ERAP2: variants seen among roughly 807,000 people sequenced by gnomAD.
ERAP2 encodes the protein leukocyte-derived arginine aminopeptidase.
A neutral mutation model predicts 111.1 loss-of-function variants in ERAP2; 118 were observed. That is an observed-to-expected ratio of 1.06 (90% CI 0.92 to 1.24). The LOEUF is 1.24. Ranked by LOEUF, ERAP2 falls within the 50% of genes most tolerant of loss-of-function variation. The probability of loss-of-function intolerance (pLI) is 0.00; values close to 1 mark genes in which losing one functional copy is unlikely to be tolerated. For missense variants in ERAP2, 1,131 were observed against 1,125.8 expected, an observed-to-expected ratio of 1.00 and a Z score of -0.07; for synonymous variants, 410 against 401.2, an observed-to-expected ratio of 1.02 and a Z score of -0.26.
Position 96,879,565 on chromosome 5 carries a change from T to C in ERAP2, c.-121T>C. On this transcript the variant is annotated splice_region_variant and 5_prime_UTR_variant, in exon 2 of 19. Transcript: ENST00000437043. The stretch of plus-strand genomic sequence containing the variant: ...TATAAGTGTGTTTTTTTCTTCTAGA[T>C]TAAATTCATGTATTGAAAATATTGT... 1 of 696,970 alleles carries C rather than the reference T, an allele frequency of 1.4e-6. No individual in the cohort carries two copies. Among genetic ancestry groups the C allele is most frequent in the Non-Finnish European group, 2.4e-6 (1 of 419,424 alleles). The allele number at this position is 696,970 out of a possible 1,614,324, so 43.2% of individuals were successfully genotyped here.
At chr5:96,880,431 T>C (rs1314507406) in intron 2 of ERAP2, among the ~76,000 whole-genome samples, 171 bp downstream of exon 2, 2 of 152,216 alleles carry the variant, frequency 1.3e-5, no homozygotes, top group Admixed American at 6.5e-5. Flanking sequence ...AGTAGAGATG[T>C]AAAGACAGGA....
intron 1 of ERAP2, among the ~76,000 whole-genome samples, chr5:96,878,404 GTAA>G (rs10642325): frequency 6.6e-6 from 1 of 151,620 alleles, no homozygotes; most frequent in Non-Finnish European, 1.5e-5. Context: ...GCCATTCGTA[GTAA>G]TAATAATATC....
chr5:96,892,357 A>C lies in ERAP2; in HGVS notation c.1029A>C (p.Thr343=). 4 of 1,614,056 alleles carry C rather than the reference A, an allele frequency of 2.5e-6. No homozygotes were observed. Among genetic ancestry groups the C allele is most frequent in the Non-Finnish European group, 3.4e-6 (4 of 1,179,950 alleles). Residue 343 remains threonine (T), a synonymous_variant, in exon 6 of 19, where the codon ACA becomes ACC. Coordinates refer to ENST00000437043, the MANE Select transcript of ERAP2 (RefSeq NM_022350.5). ...CCATGGAAAATTGGGGCCTCATTAC[A>C]TATAGGGAGACGTCACTGCTTTTTG... is the stretch of plus-strand genomic sequence containing the variant. ...PGAMENWGLI[T]YRETSLLFDP... is the part of the protein sequence containing the mutation.
chr5:96,889,384 T>C (rs755647789), intron 5 of ERAP2, 79 bp downstream of exon 5: 11 of 1,512,666 alleles, frequency 7.3e-6, no homozygotes, highest in South Asian at 3.4e-5. Context: ...TCTCTTTCTA[T>C]GTGATTTAAA....
At chr5:96,903,316 T>C (rs1194640699) in intron 12 of ERAP2, 61 bp from the exon 13 acceptor site, 4 of 1,295,684 alleles carry the variant, frequency 3.1e-6, no homozygotes, top group Non-Finnish European at 3.2e-6. Flanking sequence ...ATAACAGTTC[T>C]GGAGATGTTC....
At chr5:96,889,670 A>G (rs989396309) in intron 5 of ERAP2, among the ~76,000 whole-genome samples, 7 of 152,180 alleles carry the variant, frequency 4.6e-5, no homozygotes, top group Non-Finnish European at 7.4e-5. Flanking sequence ...TGTTCAAAAT[A>G]GGGGTCCACA....
chr5:96,909,160 G>T, intron 14 of ERAP2, 43 bp downstream of exon 14: 3 of 1,580,274 alleles, frequency 1.9e-6, no homozygotes, highest in East Asian at 2.2e-5. Context: ...AATACACAGT[G>T]TCTGGAGTAT....
intron 15 of ERAP2, chr5:96,910,326 C>T (rs1030682044): frequency 6.6e-6 from 1 of 151,362 alleles, no homozygotes; most frequent in African/African-American, 2.4e-5. Flanking sequence ...TAACTTCTCT[C>T]GCTATAACTA....
At chr5:96,899,778 C>T (rs1179773311) in intron 9 of ERAP2, among the ~76,000 whole-genome samples, 1 of 152,088 alleles carries the variant, frequency 6.6e-6, no homozygotes. Context: ...GCATACATAA[C>T]ATGCAGCATG....
chr5:96,913,801 T>C (rs560774565), intron 17 of ERAP2, among the ~76,000 whole-genome samples: 3 of 152,218 alleles, frequency 2.0e-5, no homozygotes, highest in Non-Finnish European at 4.4e-5. Context: ...CCTTGTATAG[T>C]GCATCACACA....
intron 13 of ERAP2, among the ~76,000 whole-genome samples, chr5:96,908,144 C>A (rs1222726806): frequency 2.0e-5 from 3 of 152,092 alleles, no homozygotes; most frequent in African/African-American, 7.2e-5. Context: ...ATGATAAGCC[C>A]AGAGGAGACA....
intron 2 of ERAP2, among the ~76,000 whole-genome samples, chr5:96,882,935 T>A (rs1357529288): frequency 1.3e-5 from 2 of 152,160 alleles, no homozygotes; most frequent in Non-Finnish European, 2.9e-5. Flanking sequence ...CAAATTCACT[T>A]CTTAATTGAA....
chr5:96,880,141 T>G lies in ERAP2; in HGVS notation c.456T>G (p.Val152=), dbSNP rs752768643. ...CTCATGAACAAATTGCACTGCTGGT[T>G]CCAGAGAAACTTACGCCTCACCTGA... The part of the protein sequence containing the change: ...YPAHEQIALL[V]PEKLTPHLKY... The change falls in exon 2 of 19, where the codon GTT becomes GTG. Residue 152 remains valine, a synonymous_variant. Transcript: ENST00000437043. 16 of 1,613,970 alleles carry G rather than the reference T, an allele frequency of 9.9e-6. No individual in the cohort carries two copies. The Admixed American group carries it at 2.7e-4, about 27-fold the overall frequency.
chr5:96,903,947 T>C (rs991042317), intron 13 of ERAP2, among the ~76,000 whole-genome samples: 33 of 152,218 alleles, frequency 2.2e-4, no homozygotes, highest in Non-Finnish European at 4.4e-4. Flanking sequence ...GCCTGTTTCA[T>C]TCACTTAGTG....
intron 6 of ERAP2, among the ~76,000 whole-genome samples, chr5:96,892,801 T>C (rs1784512029): frequency 2.0e-5 from 3 of 152,180 alleles, no homozygotes; most frequent in Non-Finnish European, 4.4e-5. Flanking sequence ...TATTTCTCCT[T>C]ATATCCCCTG....
rs1185291930 is a variant in ERAP2, at chr5:96,881,519, G to A, written c.575+1259G>A. On this transcript the variant is annotated intron_variant, in intron 2 of 18. Transcript: ENST00000437043. ...GGCTCAGTGCACTCTCACGTTATGT[G>A]AATTGTGTTCAATTGCCAGTTGGAG... The A allele has an allele frequency of 8.8e-6, 4 of 454,672 alleles. No homozygotes were observed. In the Admixed American group the frequency reaches 9.5e-5, roughly 11 times the overall value. 28.2% of individuals were successfully genotyped at this position (454,672 alleles called of 1,614,324 possible).
intron 5 of ERAP2, among the ~76,000 whole-genome samples, chr5:96,891,763 G>A (rs139130038): frequency 0.021 from 3,197 of 152,096 alleles, 52 homozygotes; most frequent in Non-Finnish European, 0.036. Context: ...AAGAACATGT[G>A]CTCATAATAG....
intron 6 of ERAP2, among the ~76,000 whole-genome samples, chr5:96,894,776 G>A (rs1490992261): frequency 1.3e-5 from 2 of 152,040 alleles, no homozygotes; most frequent in Non-Finnish European, 2.9e-5. Flanking sequence ...AGCCCTAAAT[G>A]AATTCTTATG....
At chr5:96,884,060 ATC>A (rs1783463486) in intron 3 of ERAP2, 130 bp downstream of exon 3, 1 of 636,546 alleles carries the variant, frequency 1.6e-6, no homozygotes, top group Non-Finnish European at 2.6e-6. Context: ...CTATCTATCT[ATC>A]TATCTATCTA....
Sources: gnomAD v4.1 joint callset for allele counts (sites outside exome capture counted in the v4.1 genomes callset) on GRCh38, gnomAD v4.1.1 for gene constraint, MANE v1.5 for transcripts, NCBI Gene and HGNC (gene_info 2026-07-23, HGNC 2026-07-21) for gene names.